Variants in EIF2AK2 observed in about 807,000 individuals in gnomAD.
EIF2AK2 encodes eukaryotic translation initiation factor 2 alpha kinase 2.
In EIF2AK2, 40 loss-of-function variants were observed where a neutral mutation model predicts 70.5. The ratio of observed to expected loss-of-function variants is 0.57; its 90% CI spans 0.44 to 0.74. The LOEUF is 0.74. Ranked by LOEUF, EIF2AK2 falls within the 30% of genes least tolerant of loss-of-function variation. EIF2AK2 has a pLI of 0.00. For missense variants in EIF2AK2, 555 were observed against 644.3 expected (o/e 0.86, Z 1.50); for synonymous variants, 198 against 220.9 (o/e 0.90, Z 0.92).
rs1448399090 is a variant in EIF2AK2 at position 37,119,956 on chromosome 2, T to A, written c.1248+3A>T. On this transcript the variant is annotated splice_donor_region_variant and intron_variant, in intron 13 of 16. Coordinates refer to ENST00000233057, the MANE Select transcript of EIF2AK2 (RefSeq NM_001135651.3). ...CAATTAATAAAGTACATTTTCCACT[T>A]ACCTTAAGATCTCTATGAATTAATT... The A allele has an allele frequency of 7.2e-7, 1 of 1,386,024 alleles. No homozygotes were observed. Among genetic ancestry groups the A allele is most frequent in the South Asian group, 1.8e-5 (1 of 54,350 alleles). The allele number at this position is 1,386,024 out of a possible 1,614,324, so 85.9% of individuals were successfully genotyped here.
chr2:37,150,744 T>G (rs972114791), intron 1 of EIF2AK2, among the ~76,000 whole-genome samples: 2 of 152,142 alleles, frequency 1.3e-5, no homozygotes, highest in African/African-American at 4.8e-5. Context: ...TAAAAAAGTT[T>G]TAATACTTTA....
chr2:37,156,078 G>A (rs2148723050), intron 1 of EIF2AK2, among the ~76,000 whole-genome samples: 1 of 152,286 alleles, frequency 6.6e-6, no homozygotes, highest in East Asian at 1.9e-4. Flanking sequence ...GAGGAAGGCT[G>A]CTCTGATAAG....
At chr2:37,123,755 G>A (rs1447368251) in intron 11 of EIF2AK2, among the ~76,000 whole-genome samples, 1 of 152,174 alleles carries the variant, frequency 6.6e-6, no homozygotes, top group African/African-American at 2.4e-5. Context: ...CAGAGAAGGT[G>A]AAATGGTGGA....
intron 1 of EIF2AK2, among the ~76,000 whole-genome samples, chr2:37,155,805 C>T (rs1473939316): frequency 6.6e-6 from 1 of 151,864 alleles, no homozygotes; most frequent in East Asian, 1.9e-4. Context: ...GTTGGCTGTG[C>T]TGGCGGGCAC....
At chr2:37,115,479 C>T (rs4648229) in intron 13 of EIF2AK2, among the ~76,000 whole-genome samples, 3,081 of 152,042 alleles carry the variant, frequency 0.02, 80 homozygotes, top group Non-Finnish European at 0.023. Context: ...GGGAAAAGAT[C>T]CAGGACTATA....
At chr2:37,148,546 T>G (rs1443902773) in intron 2 of EIF2AK2, 3 of 726,290 alleles carry the variant, frequency 4.1e-6, no homozygotes, top group Non-Finnish European at 7.5e-6. Context: ...GATCGATAGT[T>G]GCAGTCCAGC....
chr2:37,149,440 G>T (rs1675668092), intron 1 of EIF2AK2: 2 of 449,852 alleles, frequency 4.4e-6, no homozygotes, highest in African/African-American at 2.0e-5. Context: ...TTTCATCTTG[G>T]GTGCTTTAAG....
chr2:37,138,188 T>G, intron 8 of EIF2AK2, 82 bp downstream of exon 8: 1 of 1,044,032 alleles, frequency 9.6e-7, no homozygotes, highest in East Asian at 2.5e-5. Flanking sequence ...AAAATTATGG[T>G]GGAATACTGG....
intron 13 of EIF2AK2, 97 bp from the exon 14 acceptor site, chr2:37,114,956 A>G (rs1206647305): frequency 1.9e-5 from 16 of 846,110 alleles, no homozygotes; most frequent in Non-Finnish European, 2.4e-5. Flanking sequence ...TATATTATTT[A>G]TAAGACCTTT....
Position 37,105,092 on chromosome 2 carries a change from C to G in EIF2AK2, c.*2181G>C, listed in dbSNP as rs568028452. 6.6e-6 allele frequency: 1 copy of G among 152,210 alleles called. No individual in the cohort carries two copies. Among genetic ancestry groups the G allele is most frequent in the African/African-American group, 2.4e-5 (1 of 41,450 alleles). The allele number at this position is 152,210 out of a possible 1,614,324, so 9.4% of individuals were successfully genotyped here. A position where few individuals can be genotyped will look rare whatever the true frequency, so the allele number is the denominator to read the frequency against. On this transcript the variant is annotated 3_prime_UTR_variant, in exon 17 of 17. Transcript: ENST00000233057. ...ATCTATGAACTGCTCTTTATGAACACTTTTTAAAGCCTTTATAAAACTATT... is the reference window on the plus strand; with the variant it reads ...ATCTATGAACTGCTCTTTATGAACAGTTTTTAAAGCCTTTATAAAACTATT...
At chr2:37,137,218 A>G (rs1675159356) in intron 8 of EIF2AK2, among the ~76,000 whole-genome samples, 2 of 152,202 alleles carry the variant, frequency 1.3e-5, no homozygotes, top group Non-Finnish European at 2.9e-5. Context: ...TTAAAATAGT[A>G]TCTAATTGTT....
chr2:37,128,635 C>T (rs1337374550), intron 10 of EIF2AK2, among the ~76,000 whole-genome samples: 1 of 152,188 alleles, frequency 6.6e-6, no homozygotes, highest in African/African-American at 2.4e-5. Context: ...AACAACACAT[C>T]TTTAAACAAA....
intron 7 of EIF2AK2, 54 bp downstream of exon 7, chr2:37,138,455 T>C (rs1366952896): frequency 4.4e-6 from 7 of 1,606,304 alleles, no homozygotes; most frequent in African/African-American, 2.7e-5. Context: ...AAAATCTGTC[T>C]TTCAGACAGA....
intron 1 of EIF2AK2, among the ~76,000 whole-genome samples, chr2:37,154,953 C>T (rs1263835858): frequency 1.4e-5 from 2 of 147,146 alleles, no homozygotes; most frequent in Non-Finnish European, 3.0e-5. Context: ...TTTTTTTTAA[C>T]CTTTTCTATG....
intron 10 of EIF2AK2, 96 bp from the exon 11 acceptor site, chr2:37,126,507 G>A: frequency 3.4e-6 from 5 of 1,484,100 alleles, no homozygotes; most frequent in Middle Eastern, 1.8e-4. Flanking sequence ...CTTGTGAAAT[G>A]GACAATAAAA....
intron 14 of EIF2AK2, among the ~76,000 whole-genome samples, chr2:37,110,032 A>G: frequency 6.6e-6 from 1 of 151,664 alleles, no homozygotes; most frequent in Non-Finnish European, 1.5e-5. Flanking sequence ...TACACTTAAG[A>G]TCTGTGCATT....
chr2:37,140,456 G>A (rs1387677463), intron 5 of EIF2AK2, among the ~76,000 whole-genome samples: 1 of 152,040 alleles, frequency 6.6e-6, no homozygotes, highest in Non-Finnish European at 1.5e-5. Flanking sequence ...TCCAGTATTT[G>A]AACTCCTTTT....
chr2:37,107,204 T>G lies in EIF2AK2; in HGVS notation c.*69A>C. The G allele has an allele frequency of 6.5e-7, 1 of 1,543,122 alleles. No homozygotes were observed. Among genetic ancestry groups the G allele is most frequent in the Non-Finnish European group, 8.7e-7 (1 of 1,145,238 alleles). ...ATAAAAGGTAAATATCTATTGATATTCCCTAGCAGATTTTAGATAATTTAA... is the reference window on the plus strand; with the variant it reads ...ATAAAAGGTAAATATCTATTGATATGCCCTAGCAGATTTTAGATAATTTAA... On this transcript the variant is annotated 3_prime_UTR_variant, in exon 17 of 17. Transcript: ENST00000233057.
chr2:37,125,161 C>T (rs184248711), intron 11 of EIF2AK2, among the ~76,000 whole-genome samples: 4 of 152,162 alleles, frequency 2.6e-5, no homozygotes, highest in Non-Finnish European at 5.9e-5. Flanking sequence ...TACAGGCATG[C>T]GCCATCACAC....
Sources: allele counts gnomAD v4.1 joint callset (sites outside exome capture counted in the v4.1 genomes callset), GRCh38; gene constraint gnomAD v4.1.1; transcripts MANE v1.5; gene names NCBI Gene and HGNC (gene_info 2026-07-23, HGNC 2026-07-21).